ELOVL2: variants seen among roughly 807,000 people sequenced by gnomAD.
The protein encoded by ELOVL2 is very long chain fatty acid elongase 2.
ELOVL2 carries 38 observed loss-of-function variants against 37.7 expected under a neutral mutation model. That is an observed-to-expected ratio of 1.01 (90% CI 0.78 to 1.32). ELOVL2 has a LOEUF of 1.32. ELOVL2 is among the 40% of genes most tolerant of loss of function. The pLI is 0.00. For missense variants in ELOVL2, 352 were observed against 363.6 expected (o/e 0.97, Z 0.26); for synonymous variants, 115 against 122.3 (o/e 0.94, Z 0.40).
At chr6:11,006,467 C>T (rs1191812426) in intron 2 of ELOVL2, among the ~76,000 whole-genome samples, 4 of 152,162 alleles carry the variant, frequency 2.6e-5, no homozygotes, top group Non-Finnish European at 5.9e-5. Context: ...AATGATTTGG[C>T]CCAGAATTAT....
At position 11,000,177 on chromosome 6, in the gene ELOVL2, C is replaced by A. The variant is rs1195159307; in HGVS notation, c.256-13G>T. On this transcript the variant is annotated splice_polypyrimidine_tract_variant and intron_variant, in intron 3 of 7. Transcript: ENST00000354666. ...TGGAGAGAATGAGCTGCCAAAGAACCAAGAAAGAAAGAAAAACAAACATCA... is the reference window on the plus strand; with the variant it reads ...TGGAGAGAATGAGCTGCCAAAGAACAAAGAAAGAAAGAAAAACAAACATCA... 1 of 1,612,846 alleles carries A rather than the reference C, an allele frequency of 6.2e-7. No homozygotes were observed. Among genetic ancestry groups the A allele is most frequent in the Non-Finnish European group, 8.5e-7 (1 of 1,178,986 alleles).
chr6:10,985,192 G>A (rs561694532), intron 7 of ELOVL2, among the ~76,000 whole-genome samples: 4 of 151,934 alleles, frequency 2.6e-5, no homozygotes, highest in South Asian at 2.1e-4. Context: ...CATGTCTTTC[G>A]CCCACTTTTT....
chr6:10,994,870 C>T (rs1782235296), intron 5 of ELOVL2, 137 bp downstream of exon 5: 1 of 643,730 alleles, frequency 1.6e-6, no homozygotes, highest in South Asian at 3.1e-5. Flanking sequence ...CAGACACGGG[C>T]ATCCTGCTGC....
At position 10,990,498 on chromosome 6, in the gene ELOVL2, C is replaced by T. The variant is rs890104495; in HGVS notation, c.506-56G>A. ...CTTCCAGGAAGGACTGTTCATTCTT[C>T]TTTGTCAAGTGAGATTCTCTCTCTG... is the stretch of plus-strand genomic sequence containing the variant. On this transcript the variant is annotated intron_variant, in intron 5 of 7. Coordinates refer to ENST00000354666, the MANE Select transcript of ELOVL2 (RefSeq NM_017770.4). 6 of 1,493,230 alleles carry T rather than the reference C, an allele frequency of 4.0e-6. No homozygotes were observed. In the South Asian group the frequency reaches 5.7e-5, roughly 14 times the overall value. 92.5% of individuals were successfully genotyped at this position (1,493,230 alleles called of 1,614,324 possible). A position where few individuals can be genotyped will look rare whatever the true frequency, so the allele number is the denominator to read the frequency against.
At chr6:11,014,582 ATCC>A (rs1233532834) in intron 1 of ELOVL2, among the ~76,000 whole-genome samples, 1 of 150,834 alleles carries the variant, frequency 6.6e-6, no homozygotes, top group Non-Finnish European at 1.5e-5. Flanking sequence ...CATGCCCACT[ATCC>A]TCCTTGCCTC....
rs753223918 is a variant in ELOVL2, at chr6:10,995,044, G to C, written c.468C>G (p.Ile156Met). ...HVYHHASMFN[I>M]WWCVLNWIPC... ...GTATCCAGTTCAAGACACACCACCA[G>C]ATGTTAAACATAGAAGCATGATGAT... The change falls in exon 5 of 8, where the codon ATC (isoleucine) becomes ATG (methionine). Residue 156 changes from isoleucine to methionine, a missense_variant. Ile to Met is a conservative substitution (Grantham distance 10). Transcript: ENST00000354666. 7 of 1,611,960 alleles carry C rather than the reference G, an allele frequency of 4.3e-6. No homozygotes were observed. The highest frequency in any genetic ancestry group is 5.9e-6 in the Non-Finnish European group (7 of 1,179,274).
At position 11,044,122 on chromosome 6, in the gene ELOVL2, C is replaced by G; in HGVS notation, c.3+106G>C. 2 of 1,318,564 alleles carry G rather than the reference C, an allele frequency of 1.5e-6. No individual in the cohort carries two copies. Among genetic ancestry groups the G allele is most frequent in the African/African-American group, 1.6e-5 (1 of 64,162 alleles). 81.7% of individuals were successfully genotyped at this position (1,318,564 alleles called of 1,614,324 possible). A position where few individuals can be genotyped will look rare whatever the true frequency, so the allele number is the denominator to read the frequency against. ...GGGTAGCGGGTTCCAGCGGCGAACC[C>G]GCAGCGCCCGCGCCGGCGCCCGCTC... On this transcript the variant is annotated intron_variant, in intron 1 of 7. Coordinates refer to ENST00000354666, the MANE Select transcript of ELOVL2 (RefSeq NM_017770.4). This position sits in a 1 kb window ranked among gnomAD's most constrained non-coding sequence, Gnocchi z 5.6.
chr6:11,043,461 CGGGTGA>C (rs1356714528), intron 1 of ELOVL2: 1,302 of 58,360 alleles, frequency 0.022, 32 homozygotes, highest in East Asian at 0.094. Context: ...TCATCGGACA[CGGGTGA>C]ACACACACAC....
chr6:11,005,168 A>G (rs866822430), intron 3 of ELOVL2, among the ~76,000 whole-genome samples: 6 of 152,320 alleles, frequency 3.9e-5, no homozygotes, highest in Middle Eastern at 6.8e-3. Flanking sequence ...CAAAAAAAAA[A>G]AGAAATAGGT....
intron 1 of ELOVL2, among the ~76,000 whole-genome samples, chr6:11,020,337 T>C (rs1782747837): frequency 6.6e-6 from 1 of 152,214 alleles, no homozygotes; most frequent in Non-Finnish European, 1.5e-5. Flanking sequence ...TAAATTTTCA[T>C]CAAATACTTA....
In ELOVL2 at chr6:10,982,206, T is replaced by A. The variant is rs1781948069; in HGVS notation, c.*1575A>T. 6.6e-6 allele frequency: 1 copy of A among 152,124 alleles called. No individual in the cohort carries two copies. Among genetic ancestry groups the A allele is most frequent in the Admixed American group, 6.6e-5 (1 of 15,260 alleles). 9.4% of individuals were successfully genotyped at this position (152,124 alleles called of 1,614,324 possible). ...AGCATTAGGCACCTTCCAAAAAATA[T>A]GCCCAAATCCTCAGAGGGGCAGTTT... On this transcript the variant is annotated 3_prime_UTR_variant, in exon 8 of 8. Transcript: ENST00000354666.
chr6:11,036,154 G>A (rs1783002140), intron 1 of ELOVL2, among the ~76,000 whole-genome samples: 1 of 152,160 alleles, frequency 6.6e-6, no homozygotes. Flanking sequence ...ATTAAAATAG[G>A]GTGTTTCTGC....
In ELOVL2 at chr6:11,014,245, C is replaced by T. The variant is rs557609837; in HGVS notation, c.4-3436G>A. Reference sequence around the variant, plus strand: ...TACCATATGATCCAGTTTTCCACCCCCAGGTATCCATCCAAGAGAAAAGAG... The same window carrying T: ...TACCATATGATCCAGTTTTCCACCCTCAGGTATCCATCCAAGAGAAAAGAG... On this transcript the variant is annotated intron_variant, in intron 1 of 7. Transcript: ENST00000354666. Among the ~76,000 whole-genome samples, 21 of 152,246 alleles carry T rather than the reference C, an allele frequency of 1.4e-4. No homozygotes were observed. The South Asian group carries it at 1.5e-3, about 11-fold the overall frequency.
Position 10,995,140 on chromosome 6 carries a change from T to G in ELOVL2, c.372A>C (p.Ser124=). ...KVLWWYYFSK[S]VEFLDTIFFV... is the part of the protein sequence containing the mutation. ...AGAAAATTGTGTCCAGGAACTCTACTGATTTGGAGAAATAGTACCACCAAA... is the reference window on the plus strand; with the variant it reads ...AGAAAATTGTGTCCAGGAACTCTACGGATTTGGAGAAATAGTACCACCAAA... The change falls in exon 5 of 8, where the codon TCA becomes TCC. Residue 124 remains serine, a synonymous_variant. Coordinates refer to ENST00000354666, the MANE Select transcript of ELOVL2 (RefSeq NM_017770.4). The G allele has an allele frequency of 6.2e-7, 1 of 1,613,022 alleles. No individual in the cohort carries two copies. The highest frequency in any genetic ancestry group is 8.5e-7 in the Non-Finnish European group (1 of 1,179,514).
chr6:11,031,384 G>A (rs538821581), intron 1 of ELOVL2, among the ~76,000 whole-genome samples: 1 of 152,306 alleles, frequency 6.6e-6, no homozygotes, highest in African/African-American at 2.4e-5. Flanking sequence ...GCTACTGTCA[G>A]AATTGTTAAA....
chr6:11,013,597 GAGTAGTTGACTGAA>G (rs1328294527), intron 1 of ELOVL2, among the ~76,000 whole-genome samples: 3 of 152,340 alleles, frequency 2.0e-5, no homozygotes, highest in African/African-American at 7.2e-5. Context: ...AAAGGAGACA[GAGTAGTTGACTGAA>G]AAGTTTATGC....
chr6:11,040,169 T>C (rs1783077442), intron 1 of ELOVL2, among the ~76,000 whole-genome samples: 1 of 151,860 alleles, frequency 6.6e-6, no homozygotes, highest in Non-Finnish European at 1.5e-5. Context: ...GAAGAGCTGG[T>C]GGAATTACTA....
At chr6:11,027,220 A>G (rs781761066) in intron 1 of ELOVL2, among the ~76,000 whole-genome samples, 4 of 152,232 alleles carry the variant, frequency 2.6e-5, no homozygotes, top group Non-Finnish European at 5.9e-5. Flanking sequence ...GATTTTTACT[A>G]TAGAAATTCA....
chr6:11,018,660 G>T (rs542915229), intron 1 of ELOVL2, among the ~76,000 whole-genome samples: 1 of 152,196 alleles, frequency 6.6e-6, no homozygotes, highest in Admixed American at 6.5e-5. Context: ...GAAGCTGCTG[G>T]GCTAAAGGTC....
Sources: gnomAD v4.1 joint callset for allele counts (sites outside exome capture counted in the v4.1 genomes callset) on GRCh38, gnomAD v4.1.1 for gene constraint, Gnocchi (gnomAD v3.1) non-coding constraint, MANE v1.5 for transcripts, NCBI Gene and HGNC (gene_info 2026-07-23, HGNC 2026-07-21) for gene names.